Variants in RAG1 observed in about 807,000 individuals in gnomAD.
The protein encoded by RAG1 is recombination activating 1.
A neutral mutation model predicts 62.7 loss-of-function variants in RAG1; 35 were observed. That is an observed-to-expected ratio of 0.56 (90% CI 0.43 to 0.74). RAG1 has a LOEUF of 0.74. RAG1 is among the 30% of genes least tolerant of loss of function. The pLI is 0.00. For synonymous variants in RAG1, 461 were observed against 470.3 expected, an observed-to-expected ratio of 0.98 and a Z score of 0.26; for missense variants, 1,169 against 1,278.6, an observed-to-expected ratio of 0.91 and a Z score of 1.31.
chr11:36,573,682 A>T lies in RAG1; in HGVS notation c.378A>T (p.Arg126Ser), dbSNP rs748499180. 1 of 1,614,146 alleles carries T rather than the reference A, an allele frequency of 6.2e-7. No individual in the cohort carries two copies. Among genetic ancestry groups the T allele is most frequent in the Non-Finnish European group, 8.5e-7 (1 of 1,180,040 alleles). ...NSFRADEHNR[R>S]YPVHGPVDGK... ...TTAGAGCTGATGAGCACAACAGGAG[A>T]TATCCAGTCCATGGTCCTGTGGATG... Residue 126 changes from arginine to serine, a missense_variant, in exon 2 of 2, where the codon AGA (arginine) becomes AGT (serine). By Grantham distance (110) the Arg-to-Ser change is moderately radical. Coordinates refer to ENST00000299440, the MANE Select transcript of RAG1 (RefSeq NM_000448.3).
intron 3 of RAG1, among the ~76,000 whole-genome samples, chr11:36,557,698 A>T (rs981669260): frequency 6.6e-6 from 1 of 152,202 alleles, no homozygotes. Flanking sequence ...GGTGGTTAGA[A>T]ATTCAACATA....
At chr11:36,531,836 A>G (rs868169870) in intron 2 of RAG1, among the ~76,000 whole-genome samples, 1 of 152,006 alleles carries the variant, frequency 6.6e-6, no homozygotes, top group Non-Finnish European at 1.5e-5. Context: ...AAACTTTCAA[A>G]ATATTTTATA....
chr11:36,530,334 C>T (rs1860233637), intron 2 of RAG1, among the ~76,000 whole-genome samples: 1 of 151,744 alleles, frequency 6.6e-6, no homozygotes, highest in Admixed American at 6.6e-5. Context: ...TTGATTTCTG[C>T]TCCTCTTTTT....
intron 2 of RAG1, among the ~76,000 whole-genome samples, chr11:36,523,946 T>G (rs972666609): frequency 1.6e-4 from 25 of 152,176 alleles, no homozygotes; most frequent in Non-Finnish European, 4.4e-5. Flanking sequence ...CATGTTGCCC[T>G]TTTATACCAC....
chr11:36,537,426 G>T (rs987197748), downstream of RAG1, among the ~76,000 whole-genome samples: 1 of 152,086 alleles, frequency 6.6e-6, no homozygotes. Context: ...CATCAAATGT[G>T]TACATTTTTG....
In RAG1 at chr11:36,573,841, CT is replaced by C. The variant is rs758939436; in HGVS notation, c.538del (p.Trp180GlyfsTer21). 6.2e-7 allele frequency: 1 copy of C among 1,614,196 alleles called. No homozygotes were observed. The highest frequency in any genetic ancestry group is 8.5e-7 in the Non-Finnish European group (1 of 1,180,038). On this transcript the variant is annotated frameshift_variant, in exon 2 of 2. Coordinates refer to ENST00000299440, the MANE Select transcript of RAG1 (RefSeq NM_000448.3). LOFTEE classifies it high-confidence loss of function. The stretch of plus-strand genomic sequence containing the variant: ...ACCCCACTGAGTTCTGCCATAACTG[CT>C]GGAGCATCATGCACAGGAAGTTTAG... ...IHPTEFCHNC[W>X]SIMHRKFSSA...
At chr11:36,562,868 T>C (rs371755656) in intron 3 of RAG1, among the ~76,000 whole-genome samples, 1 of 152,168 alleles carries the variant, frequency 6.6e-6, no homozygotes, top group Non-Finnish European at 1.5e-5. Flanking sequence ...AGCCAGCAGA[T>C]TGTGGGACTT....
At chr11:36,539,376 T>G (rs773096177), downstream of RAG1, among the ~76,000 whole-genome samples, 1 of 152,236 alleles carries the variant, frequency 6.6e-6, no homozygotes, top group African/African-American at 2.4e-5. Flanking sequence ...CCATCCAGTC[T>G]GTGGTGTTTT....
At chr11:36,524,157 G>C (rs1860122545) in intron 2 of RAG1, among the ~76,000 whole-genome samples, 1 of 152,032 alleles carries the variant, frequency 6.6e-6, no homozygotes, top group Non-Finnish European at 1.5e-5. Flanking sequence ...GTTAAATCCA[G>C]GAGTGTAATT....
chr11:36,567,246 CATA>C (rs1795610686), upstream of RAG1: 2 of 152,270 alleles, frequency 1.3e-5, no homozygotes, highest in South Asian at 2.1e-4. Flanking sequence ...TCTTTTTAGA[CATA>C]ATATTATCAA....
At chr11:36,572,598 G>T (rs561985273) in intron 1 of RAG1, among the ~76,000 whole-genome samples, 1 of 152,218 alleles carries the variant, frequency 6.6e-6, no homozygotes, top group South Asian at 2.1e-4. Context: ...TTAGAGTTCC[G>T]TGTTTTTTGT....
upstream of RAG1, among the ~76,000 whole-genome samples, chr11:36,564,108 C>G (rs1271301585): frequency 6.6e-6 from 1 of 152,190 alleles, no homozygotes; most frequent in Non-Finnish European, 1.5e-5. Flanking sequence ...TATACACCGG[C>G]CTTTACTCTC....
At chr11:36,569,940 G>A (rs917701807) in intron 1 of RAG1, among the ~76,000 whole-genome samples, 8 of 152,028 alleles carry the variant, frequency 5.3e-5, no homozygotes, top group Non-Finnish European at 1.2e-4. Flanking sequence ...ATCTTTCCAT[G>A]TCACTGATGC....
chr11:36,575,709 G>T lies in RAG1; in HGVS notation c.2405G>T (p.Gly802Val). 1.2e-6 allele frequency: 2 copies of T among 1,614,188 alleles called. No individual in the cohort carries two copies. The highest frequency in any genetic ancestry group is 1.7e-6 in the Non-Finnish European group (2 of 1,180,028). ...ATAGATGCACTCCACTGTGACATTG[G>T]CAATGCAGCTGAGTTCTACAAGATC... Reference protein sequence around the residue: ...PSIDALHCDIGNAAEFYKIFQ... With the variant: ...PSIDALHCDIVNAAEFYKIFQ... The change falls in exon 2 of 2, where the codon GGC becomes GTC. Residue 802 changes from glycine to valine, a missense_variant. Transcript: ENST00000299440. This position sits in a 1 kb window ranked among gnomAD's most constrained non-coding sequence, Gnocchi z 4.1.
chr11:36,575,618 G>A lies in RAG1; in HGVS notation c.2314G>A (p.Val772Met). 6.2e-7 allele frequency: 1 copy of A among 1,614,246 alleles called. No individual in the cohort carries two copies. The highest frequency in any genetic ancestry group is 1.1e-5 in the South Asian group (1 of 91,082). Residue 772 changes from valine (V) to methionine (M), a missense_variant, in exon 2 of 2, where the codon GTG becomes ATG. Val to Met is a conservative substitution (Grantham distance 21, BLOSUM62 1). Around this residue, in one of 2 missense-constraint regions of RAG1, gnomAD observed 800 missense variants for 943.3 expected, o/e 0.85. Transcript: ENST00000299440. This position sits in a 1 kb window ranked among gnomAD's most constrained non-coding sequence, Gnocchi z 4.1. ...VWRSNPYHES[V>M]EELRDRVKGV... ...GCGTTCCAACCCTTACCATGAGTCTGTGGAAGAACTGCGGGATCGGGTGAA... is the reference window on the plus strand; with the variant it reads ...GCGTTCCAACCCTTACCATGAGTCTATGGAAGAACTGCGGGATCGGGTGAA...
At chr11:36,572,867 A>G (rs4151023) in intron 1 of RAG1, among the ~76,000 whole-genome samples, 2,318 of 152,294 alleles carry the variant, frequency 0.015, 53 homozygotes, top group African/African-American at 0.053. Flanking sequence ...AGCTAGTACA[A>G]TGAGGCTAAT....
At chr11:36,544,676 ATGGTTGATGTGGTC>A (rs1330507106) in intron 3 of RAG1, among the ~76,000 whole-genome samples, 1 of 151,946 alleles carries the variant, frequency 6.6e-6, no homozygotes, top group African/African-American at 2.4e-5. Flanking sequence ...TTTCTTTTTA[ATGGTTGATGTGGTC>A]TGGCTACATG....
upstream of RAG1, chr11:36,563,622 G>T (rs377575791): frequency 1.6e-4 from 24 of 152,042 alleles, no homozygotes; most frequent in African/African-American, 4.6e-4. Flanking sequence ...AGTTGAAAGT[G>T]AATATAGTTT....
At chr11:36,512,493 C>T (rs1239655514) in intron 1 of RAG1, among the ~76,000 whole-genome samples, 1 of 152,172 alleles carries the variant, frequency 6.6e-6, no homozygotes, top group Non-Finnish European at 1.5e-5. Context: ...TCCTGATACT[C>T]GAAATAAGAA....
Sources: gnomAD v4.1 joint callset for allele counts (sites outside exome capture counted in the v4.1 genomes callset) on GRCh38, gnomAD v4.1.1 for gene constraint, gnomAD v4.1.1 regional missense constraint, Gnocchi (gnomAD v3.1) non-coding constraint, MANE v1.5 for transcripts, NCBI Gene and HGNC (gene_info 2026-07-23, HGNC 2026-07-21) for gene names.